The following FHIT variants were observed in gnomAD, a reference collection of about 807,000 sequenced individuals.
FHIT encodes the protein bis(5'-adenosyl)-triphosphatase.
Under a neutral mutation model 17.9 loss-of-function variants are expected in FHIT, and 19 were observed. The observed-to-expected ratio is 1.06, with a 90% CI of 0.74 to 1.56. The LOEUF is 1.56. Ranked by LOEUF, FHIT falls within the 40% of genes most tolerant of loss-of-function variation. The probability of loss-of-function intolerance (pLI) is 0.00; values close to 1 mark genes in which losing one functional copy is unlikely to be tolerated. For missense variants in FHIT, 248 were observed against 189.2 expected, an observed-to-expected ratio of 1.31 and a Z score of -1.82; for synonymous variants, 81 against 69.7, an observed-to-expected ratio of 1.16 and a Z score of -0.81.
chr3:60,204,454 T>G (rs116576838), intron 5 of FHIT, among the ~76,000 whole-genome samples: 15 of 77,410 alleles, frequency 1.9e-4, no homozygotes, highest in South Asian at 5.1e-4. Flanking sequence ...GTTTTTTTTT[T>G]TTTGTTTTGT....
intron 7 of FHIT, among the ~76,000 whole-genome samples, chr3:59,948,105 T>C (rs575491221): frequency 9.2e-5 from 14 of 152,270 alleles, no homozygotes; most frequent in African/African-American, 2.4e-4. Flanking sequence ...CCTGTGAACA[T>C]TCATTCATGT....
intron 5 of FHIT, among the ~76,000 whole-genome samples, chr3:60,385,695 T>C (rs1236759052): frequency 6.6e-6 from 1 of 152,160 alleles, no homozygotes; most frequent in Non-Finnish European, 1.5e-5. Context: ...TCCTCCTGCC[T>C]CATCTACCTG....
At chr3:60,707,991 G>C (rs1349551189) in intron 4 of FHIT, among the ~76,000 whole-genome samples, 3 of 152,090 alleles carry the variant, frequency 2.0e-5, no homozygotes, top group Non-Finnish European at 4.4e-5. Context: ...TTCCACATTT[G>C]TCAGCATTTT....
chr3:60,617,629 G>A (rs2038991279), intron 4 of FHIT: 1 of 153,054 alleles, frequency 6.5e-6, no homozygotes, highest in African/African-American at 2.4e-5. Context: ...CAAAATCCTA[G>A]ACCTTTCCAA....
intron 2 of FHIT, among the ~76,000 whole-genome samples, chr3:61,178,853 G>A (rs1576158767): frequency 6.6e-6 from 1 of 151,858 alleles, no homozygotes; most frequent in East Asian, 1.9e-4. Context: ...ATAATTCAAT[G>A]ACACCAATTT....
chr3:61,116,304 G>A (rs10510860), intron 2 of FHIT, among the ~76,000 whole-genome samples: 13,917 of 151,970 alleles, frequency 0.092, 713 homozygotes, highest in South Asian at 0.2. Flanking sequence ...CTTTTAATAC[G>A]TACACACACT....
Position 60,390,796 on chromosome 3 carries a change from T to A in FHIT, c.103+146064A>T, listed in dbSNP as rs1475038500. Among the ~76,000 whole-genome samples, 5 of 152,132 alleles carry A rather than the reference T, an allele frequency of 3.3e-5. No individual in the cohort carries two copies. In the East Asian group the frequency reaches 9.6e-4, roughly 29 times the overall value. On this transcript the variant is annotated intron_variant, in intron 5 of 9. Coordinates refer to ENST00000492590, the MANE Select transcript of FHIT (RefSeq NM_002012.4). ...ACTAAAGATATAAAGATAGAAAATA[T>A]TTGTACATAGCTGTACAATGTGTTT...
In FHIT at chr3:59,833,262, G is replaced by A. The variant is rs574752121; in HGVS notation, c.349-80941C>T. 7.9e-5 allele frequency among the ~76,000 whole-genome samples: 12 copies of A among 152,246 alleles called. No individual in the cohort carries two copies. In the South Asian group the frequency reaches 1.9e-3, roughly 24 times the overall value. ...TGTGACATTATTTGGAAATGGCATT[G>A]AGGATGCAATTAGTTCAGATGAGGC... On this transcript the variant is annotated intron_variant, in intron 8 of 9. Coordinates refer to ENST00000492590, the MANE Select transcript of FHIT (RefSeq NM_002012.4).
At position 60,109,104 on chromosome 3, in the gene FHIT, C is replaced by T. The variant is rs978697170; in HGVS notation, c.104-94952G>A. ...AGCCTCACAAACAGTTAATTCTGCTCTAGATGCTGTAAAAGAGGGGGACGG... is the reference window on the plus strand; with the variant it reads ...AGCCTCACAAACAGTTAATTCTGCTTTAGATGCTGTAAAAGAGGGGGACGG... On this transcript the variant is annotated intron_variant, in intron 5 of 9. Coordinates refer to ENST00000492590, the MANE Select transcript of FHIT (RefSeq NM_002012.4). Among the ~76,000 whole-genome samples the T allele has an allele frequency of 6.6e-5, 10 of 151,868 alleles. 1 individual carries two copies. Among genetic ancestry groups the T allele is most frequent in the Admixed American group, 4.6e-4 (7 of 15,238 alleles).
intron 5 of FHIT, among the ~76,000 whole-genome samples, chr3:60,036,469 TGA>T (rs1701222276): frequency 6.6e-6 from 1 of 152,322 alleles, no homozygotes; most frequent in Admixed American, 6.5e-5. Flanking sequence ...GTCTGTATAA[TGA>T]GAGTTTCATC....
chr3:59,950,647 C>A (rs1707071077), intron 7 of FHIT, among the ~76,000 whole-genome samples: 1 of 152,218 alleles, frequency 6.6e-6, no homozygotes, highest in South Asian at 2.1e-4. Flanking sequence ...GCAGTAAACT[C>A]AATGGCTCTG....
intron 2 of FHIT, among the ~76,000 whole-genome samples, chr3:61,071,485 A>C (rs1035747962): frequency 6.6e-6 from 1 of 152,204 alleles, no homozygotes; most frequent in Non-Finnish European, 1.5e-5. Flanking sequence ...CTTCCCATAA[A>C]GAGAAATAGG....
intron 8 of FHIT, among the ~76,000 whole-genome samples, chr3:59,902,889 T>C (rs1208742749): frequency 6.6e-6 from 1 of 152,226 alleles, no homozygotes; most frequent in Non-Finnish European, 1.5e-5. Context: ...TGACTAAGGC[T>C]AATGATAATA....
chr3:59,895,411 TC>T (rs1387603517), intron 8 of FHIT, among the ~76,000 whole-genome samples: 1 of 152,224 alleles, frequency 6.6e-6, no homozygotes, highest in African/African-American at 2.4e-5. Context: ...CTACCATTTT[TC>T]TTCACAGCAG....
chr3:61,015,284 T>TA lies in FHIT; in HGVS notation c.-111+26762dup, dbSNP rs552563580. 7.2e-5 allele frequency among the ~76,000 whole-genome samples: 11 copies of TA among 152,294 alleles called. No individual in the cohort carries two copies. In the South Asian group the frequency reaches 2.1e-3, roughly 29 times the overall value. ...GCAGATTCGAAGGGGGATTTTTTTTTATCCCTCTGACCAGCCTCTCTGTAT... is the reference window on the plus strand; with the variant it reads ...GCAGATTCGAAGGGGGATTTTTTTTTAATCCCTCTGACCAGCCTCTCTGTAT... On this transcript the variant is annotated intron_variant, in intron 3 of 9. Coordinates refer to ENST00000492590, the MANE Select transcript of FHIT (RefSeq NM_002012.4).
At chr3:59,815,519 G>GTATA (rs145945814) in intron 8 of FHIT, among the ~76,000 whole-genome samples, 1 of 151,852 alleles carries the variant, frequency 6.6e-6, no homozygotes, top group African/African-American at 2.4e-5. Context: ...AGAAATTGTG[G>GTATA]TATATATATA....
chr3:61,193,903 C>T (rs1025698902), intron 2 of FHIT, among the ~76,000 whole-genome samples: 6 of 152,164 alleles, frequency 3.9e-5, no homozygotes, highest in African/African-American at 1.4e-4. Flanking sequence ...TTTTATGTGA[C>T]ATAGCAGCCT....
chr3:60,316,379 T>C (rs1311948176), intron 5 of FHIT, among the ~76,000 whole-genome samples: 2 of 152,194 alleles, frequency 1.3e-5, no homozygotes, highest in Admixed American at 6.5e-5. Flanking sequence ...CAATAGTGTG[T>C]TTATTGCTTG....
chr3:60,243,824 A>G (rs1325073448), intron 5 of FHIT, among the ~76,000 whole-genome samples: 1 of 152,124 alleles, frequency 6.6e-6, no homozygotes, highest in African/African-American at 2.4e-5. Flanking sequence ...AAAGCCAGGA[A>G]AGGAGATAAA....
Sources: allele counts gnomAD v4.1 joint callset (sites outside exome capture counted in the v4.1 genomes callset), GRCh38; gene constraint gnomAD v4.1.1; transcripts MANE v1.5; gene names NCBI Gene and HGNC (gene_info 2026-07-23, HGNC 2026-07-21).